Variants in PLD1 observed in about 807,000 individuals in gnomAD.
The protein encoded by PLD1 is phospholipase D1.
Under a neutral mutation model 137.1 loss-of-function variants are expected in PLD1, and 112 were observed. That is an observed-to-expected ratio of 0.82 (90% CI 0.70 to 0.96). The LOEUF (loss-of-function observed/expected upper bound fraction) is 0.96, where lower values mean the gene tolerates loss of function less well. PLD1 is among the 40% of genes least tolerant of loss of function. PLD1 has a pLI of 0.00. For missense variants in PLD1, 1,321 were observed against 1,342.0 expected (o/e 0.98, Z 0.24); for synonymous variants, 431 against 454.7 (o/e 0.95, Z 0.66).
Position 171,744,949 on chromosome 3 carries a change from A to G in PLD1, c.-31-6867T>C, listed in dbSNP as rs77534469. On this transcript the variant is annotated intron_variant, in intron 1 of 26. Coordinates refer to ENST00000351298, the MANE Select transcript of PLD1 (RefSeq NM_002662.5). Reference sequence around the variant, plus strand: ...CTGTTTCACTATCCAATACTGAATTAGGATATAACTCACACGTTTTGGGGC... The same window carrying G: ...CTGTTTCACTATCCAATACTGAATTGGGATATAACTCACACGTTTTGGGGC... Among the ~76,000 whole-genome samples the G allele has an allele frequency of 4.6e-3, 704 of 152,382 alleles. 3 individuals carry two copies. The highest frequency in any genetic ancestry group is 0.016 in the African/African-American group (679 of 41,584).
chr3:171,745,518 G>T (rs536199092), intron 1 of PLD1, among the ~76,000 whole-genome samples: 6 of 152,344 alleles, frequency 3.9e-5, no homozygotes, highest in African/African-American at 1.4e-4. Flanking sequence ...CAGGGCTTTG[G>T]CACAGCCTCC....
intron 21 of PLD1, among the ~76,000 whole-genome samples, chr3:171,650,211 T>C (rs1736607283): frequency 6.6e-6 from 1 of 152,034 alleles, no homozygotes; most frequent in South Asian, 2.1e-4. Flanking sequence ...GGGCAAGGAA[T>C]CAGTCCTTTG....
rs764814520 is a variant in PLD1 at position 171,699,803 on chromosome 3, T to C, written c.1169A>G (p.Lys390Arg). Residue 390 changes from lysine to arginine, a missense_variant, in exon 12 of 27, where the codon AAA becomes AGA. Transcript: ENST00000351298. The stretch of plus-strand genomic sequence containing the variant: ...ACGATTTCCCTCAACCACTGGGCGT[T>C]TCAGGAAGATTTCTGGACTCAGCCT... ...DWWLSPEIFL[K>R]RPVVEGNRWR... is the part of the protein sequence containing the mutation. The C allele has an allele frequency of 6.2e-7, 1 of 1,613,932 alleles. No individual in the cohort carries two copies. Among genetic ancestry groups the C allele is most frequent in the Middle Eastern group, 1.6e-4 (1 of 6,062 alleles).
chr3:171,774,192 A>G (rs970921001), intron 1 of PLD1, among the ~76,000 whole-genome samples: 1 of 152,282 alleles, frequency 6.6e-6, no homozygotes, highest in African/African-American at 2.4e-5. Flanking sequence ...TTTCTTCCTG[A>G]GTGCGTACCA....
intron 1 of PLD1, chr3:171,765,006 G>A (rs905218555): frequency 8.5e-5 from 12 of 140,804 alleles, no homozygotes; most frequent in South Asian, 2.4e-4. Flanking sequence ...AAGAAAGAAA[G>A]AGAAAAAGAA....
intron 1 of PLD1, among the ~76,000 whole-genome samples, chr3:171,800,240 G>A (rs1019333405): frequency 2.4e-4 from 37 of 151,960 alleles, no homozygotes; most frequent in Middle Eastern, 3.4e-3. Flanking sequence ...ATGGAGTCTC[G>A]CTTTGTTGCC....
At chr3:171,672,785 T>C (rs1712915920) in intron 19 of PLD1, among the ~76,000 whole-genome samples, 2 of 152,196 alleles carry the variant, frequency 1.3e-5, no homozygotes, top group African/African-American at 4.8e-5. Context: ...ACACCCACTC[T>C]AGTGTCATTT....
intron 1 of PLD1, among the ~76,000 whole-genome samples, chr3:171,764,739 C>A (rs1030691944): frequency 6.0e-5 from 9 of 150,240 alleles, no homozygotes; most frequent in African/African-American, 2.0e-4. Flanking sequence ...CTTTGAAAAT[C>A]AAATCAAAAT....
At chr3:171,793,009 G>A (rs951640199) in intron 1 of PLD1, 2 of 280,988 alleles carry the variant, frequency 7.1e-6, no homozygotes, top group Admixed American at 5.3e-5. Context: ...TTGCATTGAA[G>A]GTCCTACGGA....
chr3:171,635,315 T>G (rs1006943747), intron 23 of PLD1, among the ~76,000 whole-genome samples: 63 of 152,306 alleles, frequency 4.1e-4, no homozygotes, highest in African/African-American at 1.5e-3. Context: ...ATAGGCTAAC[T>G]ATATTTAACT....
intron 22 of PLD1, chr3:171,643,220 T>G (rs1042308297): frequency 8.6e-6 from 2 of 231,504 alleles, no homozygotes; most frequent in African/African-American, 4.6e-5. Flanking sequence ...AAATTTAGAA[T>G]GCATCAGTAG....
At chr3:171,728,277 C>T (rs1303022630) in intron 6 of PLD1, among the ~76,000 whole-genome samples, 2 of 152,172 alleles carry the variant, frequency 1.3e-5, no homozygotes, top group African/African-American at 2.4e-5. Flanking sequence ...GATCGTGCCC[C>T]TGCACTCCAG....
chr3:171,680,789 G>A (rs915905384), intron 16 of PLD1, among the ~76,000 whole-genome samples: 3 of 151,916 alleles, frequency 2.0e-5, no homozygotes, highest in South Asian at 2.1e-4. Flanking sequence ...TTTATTCTTC[G>A]CTGACTTCTC....
At chr3:171,801,353 A>G (rs1723637010) in intron 1 of PLD1, among the ~76,000 whole-genome samples, 1 of 152,260 alleles carries the variant, frequency 6.6e-6, no homozygotes, top group African/African-American at 2.4e-5. Context: ...CTGTCAGTCA[A>G]ACCTACCCCG....
chr3:171,662,780 C>T (rs942541078), intron 19 of PLD1, among the ~76,000 whole-genome samples: 24 of 152,326 alleles, frequency 1.6e-4, no homozygotes, highest in Middle Eastern at 3.4e-3. Context: ...GCTGTCTGTT[C>T]CATGGCACGC....
chr3:171,656,418 G>C (rs534741714), intron 21 of PLD1, among the ~76,000 whole-genome samples: 73 of 152,166 alleles, frequency 4.8e-4, no homozygotes, highest in Admixed American at 1.8e-3. Flanking sequence ...TGATCCACCC[G>C]CCTCAGCCTC....
intron 3 of PLD1, 41 bp from the exon 4 acceptor site, chr3:171,735,678 A>G (rs1269970677): frequency 8.2e-7 from 1 of 1,219,266 alleles, no homozygotes; most frequent in Non-Finnish European, 1.2e-6. Flanking sequence ...TTAGATAACA[A>G]CAAAAATTCC....
rs9829394 is a variant in PLD1 at position 171,709,187 on chromosome 3, C to T, written c.1062-349G>A. ...TGAAAACAAACTAGCTTCCAATCCA[C>T]GGGTAGAAAAACATGCTAAGCATGA... On this transcript the variant is annotated intron_variant, in intron 10 of 26. Coordinates refer to ENST00000351298, the MANE Select transcript of PLD1 (RefSeq NM_002662.5). Among the ~76,000 whole-genome samples, 1,040 of 152,274 alleles carry T rather than the reference C, an allele frequency of 6.8e-3. 12 individuals are homozygous for T. The highest frequency in any genetic ancestry group is 0.02 in the African/African-American group (818 of 41,548).
intron 1 of PLD1, among the ~76,000 whole-genome samples, chr3:171,796,477 TG>T (rs1723442636): frequency 6.6e-6 from 1 of 152,240 alleles, no homozygotes; most frequent in Admixed American, 6.5e-5. Context: ...ATGATTGTCA[TG>T]GATCAACTAA....
Sources: allele counts gnomAD v4.1 joint callset (sites outside exome capture counted in the v4.1 genomes callset), GRCh38; gene constraint gnomAD v4.1.1; transcripts MANE v1.5; gene names NCBI Gene and HGNC (gene_info 2026-07-23, HGNC 2026-07-21).